Variants in SEMA6D observed in about 807,000 individuals in gnomAD.
The protein encoded by SEMA6D is semaphorin 6D, also known as semaphorin-6D.
A neutral mutation model predicts 106.6 loss-of-function variants in SEMA6D; 35 were observed. The observed-to-expected ratio is 0.33, with a 90% CI of 0.25 to 0.44. SEMA6D has a LOEUF of 0.44. Among genes scored for constraint, SEMA6D ranks in the 20% least tolerant of loss-of-function variants. The pLI, the probability that SEMA6D is intolerant of heterozygous loss-of-function variation, is 1.00. For synonymous variants in SEMA6D, 499 were observed against 487.7 expected, an observed-to-expected ratio of 1.02 and a Z score of -0.31; for missense variants, 1,185 against 1,345.9, an observed-to-expected ratio of 0.88 and a Z score of 1.87.
intron 4 of SEMA6D, among the ~76,000 whole-genome samples, chr15:47,606,613 T>C (rs182746271): frequency 7.2e-5 from 11 of 152,292 alleles, no homozygotes; most frequent in African/African-American, 1.4e-4. Context: ...GCAGGAATCA[T>C]TGGAGCCCAT....
At chr15:47,767,191 C>A in intron 17 of SEMA6D, 98 bp downstream of exon 17, 1 of 763,086 alleles carries the variant, frequency 1.3e-6, no homozygotes, top group Non-Finnish European at 2.1e-6. Context: ...GTTTGGCAGC[C>A]CTTCATTTTT....
chr15:47,410,845 C>A (rs1460981728), intron 1 of SEMA6D, among the ~76,000 whole-genome samples: 1 of 152,126 alleles, frequency 6.6e-6, no homozygotes, highest in African/African-American at 2.4e-5. Context: ...ACAAAACTGA[C>A]CTAATGATAA....
intron 1 of SEMA6D, among the ~76,000 whole-genome samples, chr15:47,244,814 C>T (rs1001466216): frequency 1.3e-5 from 2 of 152,120 alleles, no homozygotes; most frequent in African/African-American, 4.8e-5. Flanking sequence ...GAGAATAGTA[C>T]TCAACAGTTA....
At chr15:47,290,903 A>G (rs2035568767) in intron 1 of SEMA6D, among the ~76,000 whole-genome samples, 1 of 152,342 alleles carries the variant, frequency 6.6e-6, no homozygotes, top group African/African-American at 2.4e-5. Flanking sequence ...CAGATAACAG[A>G]GTTGTATAAT....
intron 1 of SEMA6D, among the ~76,000 whole-genome samples, chr15:47,213,229 T>G (rs927822081): frequency 1.4e-4 from 22 of 152,228 alleles, no homozygotes; most frequent in African/African-American, 5.3e-4. Context: ...ACCGCACAAA[T>G]ACAGAATACT....
intron 1 of SEMA6D, among the ~76,000 whole-genome samples, chr15:47,289,646 T>G (rs1287303197): frequency 1.3e-5 from 2 of 151,950 alleles, no homozygotes; most frequent in Admixed American, 6.6e-5. Flanking sequence ...CAATGGAGTG[T>G]GTTCAATCCT....
intron 4 of SEMA6D, among the ~76,000 whole-genome samples, chr15:47,636,891 C>T (rs188300922): frequency 1.3e-5 from 2 of 152,268 alleles, no homozygotes; most frequent in East Asian, 3.9e-4. Flanking sequence ...AAGATTTTTT[C>T]ACCAGGCCAA....
intron 1 of SEMA6D, among the ~76,000 whole-genome samples, chr15:47,332,392 A>G (rs1383235446): frequency 6.6e-6 from 1 of 152,184 alleles, no homozygotes; most frequent in Non-Finnish European, 1.5e-5. Context: ...GAGTCCGTGA[A>G]AGAAAGGGTT....
At chr15:47,446,318 G>A (rs922026641) in intron 2 of SEMA6D, among the ~76,000 whole-genome samples, 2 of 152,134 alleles carry the variant, frequency 1.3e-5, no homozygotes, top group Admixed American at 1.3e-4. Context: ...CATACCAGTG[G>A]GGGGCTGGAT....
intron 1 of SEMA6D, among the ~76,000 whole-genome samples, chr15:47,254,033 A>G (rs1184041302): frequency 6.6e-6 from 1 of 151,456 alleles, no homozygotes; most frequent in East Asian, 1.9e-4. Flanking sequence ...TTCTTCCTTC[A>G]GTGTTTAATA....
intron 1 of SEMA6D, among the ~76,000 whole-genome samples, chr15:47,386,400 A>G (rs888679513): frequency 2.0e-5 from 3 of 152,164 alleles, no homozygotes; most frequent in African/African-American, 4.8e-5. Context: ...CCAATATGAC[A>G]TTAAATGTAT....
At chr15:47,285,899 A>G (rs1222356820) in intron 1 of SEMA6D, among the ~76,000 whole-genome samples, 3 of 152,204 alleles carry the variant, frequency 2.0e-5, no homozygotes, top group African/African-American at 7.2e-5. Flanking sequence ...TTACTAACTT[A>G]CTAACTTATT....
chr15:47,354,191 C>CTT (rs2038450855), intron 1 of SEMA6D, among the ~76,000 whole-genome samples: 3 of 109,360 alleles, frequency 2.7e-5, no homozygotes, highest in African/African-American at 7.4e-5. Flanking sequence ...CTCTCTCTCT[C>CTT]TCTCTCTCTA....
At chr15:47,310,174 T>C (rs1388831477) in intron 1 of SEMA6D, among the ~76,000 whole-genome samples, 1 of 152,336 alleles carries the variant, frequency 6.6e-6, no homozygotes, top group Non-Finnish European at 1.5e-5. Context: ...CTTTTTCATG[T>C]GGTAAGTGTT....
At chr15:47,638,826 G>A (rs1323662352) in intron 4 of SEMA6D, among the ~76,000 whole-genome samples, 1 of 152,232 alleles carries the variant, frequency 6.6e-6, no homozygotes, top group Non-Finnish European at 1.5e-5. Context: ...CAACTCAAAT[G>A]TTCTGCCAGC....
At chr15:47,462,065 A>G (rs2042530373) in intron 2 of SEMA6D, among the ~76,000 whole-genome samples, 1 of 151,952 alleles carries the variant, frequency 6.6e-6, no homozygotes, top group South Asian at 2.1e-4. Flanking sequence ...AGCGTGATTC[A>G]TTTCAAATCT....
In SEMA6D at chr15:47,189,871, A is replaced by G. The variant is rs147867127; in HGVS notation, c.-239+5453A>G. 2.1e-4 allele frequency among the ~76,000 whole-genome samples: 32 copies of G among 152,368 alleles called. No individual in the cohort carries two copies. The East Asian group carries it at 5.8e-3, about 28-fold the overall frequency. On this transcript the variant is annotated intron_variant, in intron 1 of 19. Coordinates refer to the SEMA6D transcript ENST00000558014. ...AAATGTGCTTCCAATTATGATATAAATAGTGCATAAAGCTTTAAAATTTTC... is the reference window on the plus strand; with the variant it reads ...AAATGTGCTTCCAATTATGATATAAGTAGTGCATAAAGCTTTAAAATTTTC...
At chr15:47,416,270 A>G (rs1216938117) in intron 2 of SEMA6D, among the ~76,000 whole-genome samples, 2 of 152,016 alleles carry the variant, frequency 1.3e-5, no homozygotes, top group Non-Finnish European at 2.9e-5. Context: ...CATTTCTACC[A>G]ATTTGTTCTC....
At chr15:47,589,210 TC>T (rs1241889704) in intron 3 of SEMA6D, among the ~76,000 whole-genome samples, 1 of 152,158 alleles carries the variant, frequency 6.6e-6, no homozygotes, top group Non-Finnish European at 1.5e-5. Flanking sequence ...AGGGCACCAC[TC>T]CCACCACACC....
Sources: gnomAD v4.1 joint callset for allele counts (sites outside exome capture counted in the v4.1 genomes callset) on GRCh38, gnomAD v4.1.1 for gene constraint, MANE v1.5 for transcripts, NCBI Gene and HGNC (gene_info 2026-07-23, HGNC 2026-07-21) for gene names.